Variants in PRR16 observed in about 807,000 individuals in gnomAD.
PRR16 encodes the protein protein Largen.
In PRR16, 6 loss-of-function variants were observed where a neutral mutation model predicts 18.2. The observed-to-expected ratio is 0.33, with a 90% CI of 0.18 to 0.65. The LOEUF (loss-of-function observed/expected upper bound fraction) is 0.65, where lower values mean the gene tolerates loss of function less well. PRR16 is among the 30% of genes least tolerant of loss of function. The pLI, the probability that PRR16 is intolerant of heterozygous loss-of-function variation, is 0.74. For missense variants in PRR16, 412 were observed against 376.6 expected (o/e 1.09, Z -0.78); for synonymous variants, 151 against 147.8 (o/e 1.02, Z -0.16).
At chr5:120,680,290 T>C (rs562866673) in intron 1 of PRR16, among the ~76,000 whole-genome samples, 1 of 152,276 alleles carries the variant, frequency 6.6e-6, no homozygotes, top group Non-Finnish European at 1.5e-5. Context: ...TACCTGTGCT[T>C]GTATGCATAA....
intron 1 of PRR16, among the ~76,000 whole-genome samples, chr5:120,524,035 C>T (rs917933423): frequency 6.6e-6 from 1 of 152,070 alleles, no homozygotes; most frequent in African/African-American, 2.4e-5. Flanking sequence ...AAAGAGAAAA[C>T]TGCTCAGTTA....
chr5:120,496,459 T>G (rs1750248641), intron 1 of PRR16, among the ~76,000 whole-genome samples: 1 of 152,030 alleles, frequency 6.6e-6, no homozygotes, highest in Non-Finnish European at 1.5e-5. Context: ...AAGGAACTGA[T>G]GTATTAAATG....
chr5:120,641,804 T>G (rs899184635), intron 1 of PRR16, among the ~76,000 whole-genome samples: 3 of 152,090 alleles, frequency 2.0e-5, no homozygotes, highest in African/African-American at 7.2e-5. Flanking sequence ...ATCTGCAGAT[T>G]AGTTTTCAGT....
At chr5:120,563,277 T>G (rs1580728283) in intron 1 of PRR16, among the ~76,000 whole-genome samples, 1 of 152,192 alleles carries the variant, frequency 6.6e-6, no homozygotes, top group East Asian at 1.9e-4. Context: ...GCCCTAAGGA[T>G]CTACAATCAG....
At chr5:120,773,224 C>T in the PRR16 span, among the ~76,000 whole-genome samples, 1 of 151,952 alleles carries the variant, frequency 6.6e-6, no homozygotes, top group Non-Finnish European at 1.5e-5. Context: ...ATAAGAGTCC[C>T]CAAATCACAG....
At chr5:120,688,728 T>C (rs890659482), downstream of PRR16, among the ~76,000 whole-genome samples, 1 of 152,188 alleles carries the variant, frequency 6.6e-6, no homozygotes, top group East Asian at 1.9e-4. Context: ...TTTAAGACTG[T>C]GACACTTTTC....
At chr5:120,741,011 T>G in the PRR16 span, among the ~76,000 whole-genome samples, 1 of 152,170 alleles carries the variant, frequency 6.6e-6, no homozygotes, top group East Asian at 1.9e-4. Context: ...TTTCTTTAAT[T>G]TCTCTTGCAT....
chr5:120,520,505 A>G (rs1256473718), intron 1 of PRR16, among the ~76,000 whole-genome samples: 1 of 152,252 alleles, frequency 6.6e-6, no homozygotes, highest in Non-Finnish European at 1.5e-5. Context: ...TAGGTAGATC[A>G]GAACTTTACT....
At chr5:120,758,888 G>A in the PRR16 span, among the ~76,000 whole-genome samples, 2 of 151,474 alleles carry the variant, frequency 1.3e-5, no homozygotes, top group South Asian at 2.1e-4. Flanking sequence ...TTTATTTTGA[G>A]CATATTTCCT....
At chr5:120,554,815 G>A (rs1752360372) in intron 1 of PRR16, among the ~76,000 whole-genome samples, 1 of 151,886 alleles carries the variant, frequency 6.6e-6, no homozygotes. Flanking sequence ...GAACATACCA[G>A]AAACACCTCT....
At chr5:120,787,018 T>C in the PRR16 span, among the ~76,000 whole-genome samples, 2 of 152,102 alleles carry the variant, frequency 1.3e-5, no homozygotes, top group Non-Finnish European at 2.9e-5. Flanking sequence ...TCAAACAGAA[T>C]AGAGCAATTA....
At chr5:120,704,446 A>C in the PRR16 span, among the ~76,000 whole-genome samples, 144 of 152,318 alleles carry the variant, frequency 9.5e-4, 1 homozygote, top group Non-Finnish European at 1.9e-3. Context: ...CAAAGAGAAC[A>C]TGATTTTATT....
chr5:120,589,087 C>G (rs2112770086), intron 1 of PRR16, among the ~76,000 whole-genome samples: 1 of 152,092 alleles, frequency 6.6e-6, no homozygotes, highest in Admixed American at 6.6e-5. Flanking sequence ...GATAATAAAA[C>G]CCACTGGATA....
chr5:120,611,015 AT>A (rs1222745686), intron 1 of PRR16, among the ~76,000 whole-genome samples: 1 of 152,184 alleles, frequency 6.6e-6, no homozygotes, highest in Non-Finnish European at 1.5e-5. Context: ...GTGGTCTCAG[AT>A]GGAGATGAGA....
intron 1 of PRR16, among the ~76,000 whole-genome samples, chr5:120,475,951 A>G (rs1404387500): frequency 6.6e-6 from 1 of 152,130 alleles, no homozygotes; most frequent in African/African-American, 2.4e-5. Context: ...ACATGATGCA[A>G]CAAGAGCATA....
At chr5:120,754,434 G>C in the PRR16 span, among the ~76,000 whole-genome samples, 2,641 of 24,872 alleles carry the variant, frequency 0.11, 20 homozygotes, top group East Asian at 0.25. Flanking sequence ...ATAATATATA[G>C]TATATAGTAT....
the PRR16 span, among the ~76,000 whole-genome samples, chr5:120,746,809 G>A: frequency 6.6e-6 from 1 of 151,924 alleles, no homozygotes; most frequent in Non-Finnish European, 1.5e-5. Flanking sequence ...GGGAGGCGAG[G>A]GAATACTGGC....
intron 1 of PRR16, among the ~76,000 whole-genome samples, chr5:120,592,393 T>A (rs1384475035): frequency 2.0e-5 from 3 of 152,198 alleles, no homozygotes; most frequent in Non-Finnish European, 4.4e-5. Flanking sequence ...GCAACTAAGT[T>A]GCAAAATGGT....
At chr5:120,528,580 T>A (rs1751446629) in intron 1 of PRR16, among the ~76,000 whole-genome samples, 1 of 152,154 alleles carries the variant, frequency 6.6e-6, no homozygotes, top group African/African-American at 2.4e-5. Context: ...AGTGAAGGCA[T>A]CCAAGTTTCC....
Sources: gnomAD v4.1 joint callset for allele counts (sites outside exome capture counted in the v4.1 genomes callset) on GRCh38, gnomAD v4.1.1 for gene constraint, MANE v1.5 for transcripts, NCBI Gene and HGNC (gene_info 2026-07-23, HGNC 2026-07-21) for gene names.